Variants in LIMD1 observed in about 807,000 individuals in gnomAD.
LIMD1 encodes LIM domain-containing protein 1.
A neutral mutation model predicts 58.4 loss-of-function variants in LIMD1; 23 were observed. That is an observed-to-expected ratio of 0.39 (90% confidence interval 0.28 to 0.56). The LOEUF is 0.56. Ranked by LOEUF, LIMD1 falls within the 20% of genes least tolerant of loss-of-function variation. The pLI is 0.57. For missense variants in LIMD1, 838 were observed against 855.5 expected (o/e 0.98, Z 0.25); for synonymous variants, 334 against 345.5 (o/e 0.97, Z 0.37).
chr3:45,612,406 G>C (rs1241936366), intron 1 of LIMD1, among the ~76,000 whole-genome samples: 1 of 152,182 alleles, frequency 6.6e-6, no homozygotes, highest in East Asian at 1.9e-4. Context: ...TTTGATGTCT[G>C]CATTGGATAC....
At chr3:45,614,803 A>G (rs180913270) in intron 1 of LIMD1, among the ~76,000 whole-genome samples, 1 of 150,532 alleles carries the variant, frequency 6.6e-6, no homozygotes, top group African/African-American at 2.4e-5. Flanking sequence ...TAAACCTTAA[A>G]CACAGCTAAC....
intron 1 of LIMD1, among the ~76,000 whole-genome samples, chr3:45,630,371 C>T (rs986862003): frequency 1.3e-5 from 2 of 152,158 alleles, no homozygotes; most frequent in South Asian, 4.1e-4. Context: ...GTGCAGTCAC[C>T]CTGCTCCCTA....
intron 1 of LIMD1, among the ~76,000 whole-genome samples, chr3:45,598,607 TGTA>T (rs1701379768): frequency 6.6e-6 from 1 of 152,080 alleles, no homozygotes; most frequent in Non-Finnish European, 1.5e-5. Context: ...GAGCAGACAA[TGTA>T]GTAGAAGGAG....
chr3:45,635,919 C>G (rs559314654), intron 1 of LIMD1: 1 of 985,084 alleles, frequency 1.0e-6, no homozygotes, highest in African/African-American at 1.7e-5. Context: ...ATTAGCATAA[C>G]AGTGGGGCAG....
Position 45,680,187 on chromosome 3 carries a change from G to A in LIMD1, c.*3128G>A, listed in dbSNP as rs147381938. 6,321 of 152,378 alleles carry A rather than the reference G, an allele frequency of 0.041. 151 individuals are homozygous for A. The highest frequency in any genetic ancestry group is 0.068 in the African/African-American group (2,820 of 41,562). The allele number at this position is 152,378 out of a possible 1,614,324, so 9.4% of individuals were successfully genotyped here. ...TGTGCTGTGTCCCATGCATGTGAAAGTAGAGCTGTGATGGCTGCTGGGACG... is the reference window on the plus strand; with the variant it reads ...TGTGCTGTGTCCCATGCATGTGAAAATAGAGCTGTGATGGCTGCTGGGACG... On this transcript the variant is annotated 3_prime_UTR_variant, in exon 8 of 8. Transcript: ENST00000273317.
Position 45,658,081 on chromosome 3 carries a change from G to T in LIMD1, c.1511-7569G>T, listed in dbSNP as rs17078153. On this transcript the variant is annotated intron_variant, in intron 2 of 7. Coordinates refer to ENST00000273317, the MANE Select transcript of LIMD1 (RefSeq NM_014240.3). Reference sequence around the variant, plus strand: ...AGTTTTCAAGCATTTAAAAATATATGTGAAAGCCCTAAACATAGTACTTAG... The same window carrying T: ...AGTTTTCAAGCATTTAAAAATATATTTGAAAGCCCTAAACATAGTACTTAG... Among the ~76,000 whole-genome samples the T allele has an allele frequency of 3.9e-5, 6 of 152,246 alleles. No homozygotes were observed. The South Asian group carries it at 1.2e-3, about 32-fold the overall frequency.
chr3:45,623,131 T>C (rs546976320), intron 1 of LIMD1, among the ~76,000 whole-genome samples: 1 of 152,344 alleles, frequency 6.6e-6, no homozygotes, highest in African/African-American at 2.4e-5. Flanking sequence ...ACAAGTGGCA[T>C]CCCCTCTTTG....
At chr3:45,606,329 C>T (rs528851168) in intron 1 of LIMD1, among the ~76,000 whole-genome samples, 1 of 152,254 alleles carries the variant, frequency 6.6e-6, no homozygotes, top group East Asian at 1.9e-4. Flanking sequence ...TCCTTTCTAA[C>T]AAAGAAGAAA....
intron 2 of LIMD1, among the ~76,000 whole-genome samples, chr3:45,658,884 C>T (rs544123700): frequency 5.9e-4 from 90 of 152,276 alleles, no homozygotes; most frequent in African/African-American, 2.1e-3. Context: ...TATGTCCACT[C>T]AGAGGCGTTG....
Position 45,595,576 on chromosome 3 carries a change from T to C in LIMD1, c.697T>C (p.Ser233Pro), listed in dbSNP as rs1701337714. ...GDHPLNHRQL[S>P]LSSSRSSEGS... is the part of the protein sequence containing the mutation. The stretch of plus-strand genomic sequence containing the variant: ...CCATCCCCTAAATCACCGACAGCTC[T>C]CCCTGAGCTCCAGCAGGTCTTCTGA... The change falls in exon 1 of 8, where the codon TCC becomes CCC. Residue 233 changes from serine (S) to proline (P), a missense_variant. Around this residue, in one of 3 missense-constraint regions of LIMD1, gnomAD observed 659 missense variants for 639.8 expected, o/e 1.03. Coordinates refer to ENST00000273317, the MANE Select transcript of LIMD1 (RefSeq NM_014240.3). 6.2e-7 allele frequency: 1 copy of C among 1,613,768 alleles called. No individual in the cohort carries two copies. The highest frequency in any genetic ancestry group is 8.5e-7 in the Non-Finnish European group (1 of 1,179,998).
chr3:45,673,395 C>A, intron 5 of LIMD1, 59 bp from the exon 6 acceptor site: 1 of 1,389,434 alleles, frequency 7.2e-7, no homozygotes. Flanking sequence ...AAGTGCAAGT[C>A]TGACTCTGGA....
intron 1 of LIMD1, among the ~76,000 whole-genome samples, chr3:45,620,373 C>T (rs73830446): frequency 0.012 from 1,831 of 152,168 alleles, 50 homozygotes; most frequent in African/African-American, 0.042. Context: ...GATATAAATA[C>T]ATAAGTGGGG....
intron 2 of LIMD1, among the ~76,000 whole-genome samples, chr3:45,656,694 T>C (rs1697329971): frequency 1.3e-5 from 2 of 151,922 alleles, no homozygotes; most frequent in Non-Finnish European, 2.9e-5. Flanking sequence ...GTTTTTGTAT[T>C]TTTAGTAGGG....
rs1021572870 is a variant in LIMD1 at position 45,621,994 on chromosome 3, T to C, written c.1409-14156T>C. Among the ~76,000 whole-genome samples the C allele has an allele frequency of 3.5e-5, 5 of 143,480 alleles. No individual in the cohort carries two copies. The Admixed American group carries it at 3.5e-4, about 10-fold the overall frequency. The allele number at this position is 143,480 out of a possible 152,430, so 94.1% of individuals were successfully genotyped here. ...AGGAGAATCACTTGAACCAGGGAGT[T>C]GGAGGCTGCAGTGAGCCGAGATCAC... On this transcript the variant is annotated intron_variant, in intron 1 of 7. Coordinates refer to ENST00000273317, the MANE Select transcript of LIMD1 (RefSeq NM_014240.3).
Position 45,595,955 on chromosome 3 carries a change from G to T in LIMD1, c.1076G>T (p.Gly359Val). ...TCATCCTCGCCAGCTGGTCTGGACG[G>T]TTCACAGCAGGGTGCGGTCCCTGGG... ...APSSSPAGLD[G>V]SQQGAVPGLG... is the part of the protein sequence containing the mutation. The change falls in exon 1 of 8, where the codon GGT becomes GTT. Residue 359 changes from glycine (G) to valine (V), a missense_variant. Transcript: ENST00000273317. 1 of 1,614,222 alleles carries T rather than the reference G, an allele frequency of 6.2e-7. No homozygotes were observed.
intron 1 of LIMD1, among the ~76,000 whole-genome samples, chr3:45,610,875 A>G (rs1379638960): frequency 6.6e-6 from 1 of 152,196 alleles, no homozygotes; most frequent in Non-Finnish European, 1.5e-5. Context: ...GTATGGAGAA[A>G]AGAGTGGCTT....
At chr3:45,645,307 G>C (rs1464587062) in intron 2 of LIMD1, among the ~76,000 whole-genome samples, 1 of 152,172 alleles carries the variant, frequency 6.6e-6, no homozygotes, top group African/African-American at 2.4e-5. Context: ...TCAGTCAGAG[G>C]CCAGGAAGTC....
At chr3:45,637,030 A>G (rs1701796286) in intron 2 of LIMD1, among the ~76,000 whole-genome samples, 1 of 152,224 alleles carries the variant, frequency 6.6e-6, no homozygotes, top group Admixed American at 6.5e-5. Flanking sequence ...ACAGCTCTCA[A>G]CTAAAAGGGA....
rs576645233 is a variant in LIMD1 at position 45,659,616 on chromosome 3, C to CAT, written c.1511-6025_1511-6024dup. On this transcript the variant is annotated intron_variant, in intron 2 of 7. Coordinates refer to ENST00000273317, the MANE Select transcript of LIMD1 (RefSeq NM_014240.3). ...AACATATATATATGCTATCCCCAAA[C>CAT]ATATATATATGCTATATATAAGCAT... is the stretch of plus-strand genomic sequence containing the variant. 1.2e-4 allele frequency among the ~76,000 whole-genome samples: 18 copies of CAT among 152,112 alleles called. No individual in the cohort carries two copies. The South Asian group carries it at 1.5e-3, about 12-fold the overall frequency.
Sources: gnomAD v4.1 joint callset for allele counts (sites outside exome capture counted in the v4.1 genomes callset) on GRCh38, gnomAD v4.1.1 for gene constraint, gnomAD v4.1.1 regional missense constraint, MANE v1.5 for transcripts, NCBI Gene and HGNC (gene_info 2026-07-23, HGNC 2026-07-21) for gene names.